XKR4: variants seen among roughly 807,000 people sequenced by gnomAD.
XKR4 encodes XK-related protein 4.
XKR4 carries 12 observed loss-of-function variants against 53.9 expected under a neutral mutation model. The ratio of observed to expected loss-of-function variants is 0.22; its 90% confidence interval spans 0.14 to 0.36. The LOEUF is 0.36. Among genes scored for constraint, XKR4 ranks in the 10% least tolerant of loss-of-function variants. XKR4 has a pLI of 1.00. For synonymous variants in XKR4, 354 were observed against 362.4 expected (o/e 0.98, Z 0.26); for missense variants, 799 against 859.5 (o/e 0.93, Z 0.88).
rs1266704744 is a variant in XKR4 at position 55,528,277 on chromosome 8, A to C, written c.*4050A>C. On this transcript the variant is annotated 3_prime_UTR_variant, in exon 3 of 3. Coordinates refer to ENST00000327381, the MANE Select transcript of XKR4 (RefSeq NM_052898.2). The stretch of plus-strand genomic sequence containing the variant: ...AGTTTTATCACTTCTTAAGGATCTC[A>C]TCTTTTAAACAGCTGAATAAAATAG... The C allele has an allele frequency of 6.6e-6, 1 of 152,166 alleles. No individual in the cohort carries two copies. Among genetic ancestry groups the C allele is most frequent in the Non-Finnish European group, 1.5e-5 (1 of 68,020 alleles). The allele number at this position is 152,166 out of a possible 1,614,324, so 9.4% of individuals were successfully genotyped here. A position where few individuals can be genotyped will look rare whatever the true frequency, so the allele number is the denominator to read the frequency against.
At chr8:55,134,367 A>AC (rs1208791404) in intron 1 of XKR4, among the ~76,000 whole-genome samples, 3 of 152,234 alleles carry the variant, frequency 2.0e-5, no homozygotes. Flanking sequence ...GCCTGTATAT[A>AC]ATTTGTGAGG....
intron 1 of XKR4, among the ~76,000 whole-genome samples, chr8:55,257,987 C>A (rs151160785): frequency 4.5e-4 from 69 of 152,342 alleles, no homozygotes; most frequent in African/African-American, 1.6e-3. Context: ...ATAGCTCAGA[C>A]CGTGGGCTCT....
At chr8:55,400,016 A>C (rs1804576288) in intron 2 of XKR4, among the ~76,000 whole-genome samples, 1 of 152,060 alleles carries the variant, frequency 6.6e-6, no homozygotes, top group Non-Finnish European at 1.5e-5. Context: ...TTCCTTAAAA[A>C]CTTGCACTCA....
At chr8:55,112,612 A>G (rs1485118339) in intron 1 of XKR4, among the ~76,000 whole-genome samples, 2 of 133,248 alleles carry the variant, frequency 1.5e-5, no homozygotes, top group African/African-American at 2.9e-5. Flanking sequence ...TCAATAATCA[A>G]AGCAAAGGTA....
chr8:55,292,937 G>A (rs1393800505), intron 1 of XKR4, among the ~76,000 whole-genome samples: 1 of 152,134 alleles, frequency 6.6e-6, no homozygotes, highest in Non-Finnish European at 1.5e-5. Context: ...TGTGTTTGGA[G>A]GTTTCCCTGT....
At chr8:55,253,215 C>T (rs916405676) in intron 1 of XKR4, among the ~76,000 whole-genome samples, 3 of 151,718 alleles carry the variant, frequency 2.0e-5, no homozygotes, top group African/African-American at 7.3e-5. Flanking sequence ...TAAATATTCT[C>T]TTCCTTCCTC....
intron 2 of XKR4, among the ~76,000 whole-genome samples, chr8:55,495,627 C>G (rs934485900): frequency 1.3e-5 from 2 of 152,224 alleles, no homozygotes; most frequent in African/African-American, 4.8e-5. Flanking sequence ...CCCCCCCAGG[C>G]CCTCCCCACA....
At chr8:55,326,555 C>T (rs1338839310) in intron 1 of XKR4, among the ~76,000 whole-genome samples, 3 of 149,086 alleles carry the variant, frequency 2.0e-5, no homozygotes, top group African/African-American at 5.0e-5. Flanking sequence ...ACTGCAACCT[C>T]CACCTCCTGG....
chr8:55,400,274 C>T (rs1265275323), intron 2 of XKR4, among the ~76,000 whole-genome samples: 3 of 152,132 alleles, frequency 2.0e-5, no homozygotes, highest in African/African-American at 7.2e-5. Flanking sequence ...TCACATGGCA[C>T]CCCACCATCA....
At chr8:55,498,066 G>T (rs1806382300) in intron 2 of XKR4, among the ~76,000 whole-genome samples, 2 of 152,136 alleles carry the variant, frequency 1.3e-5, no homozygotes, top group African/African-American at 4.8e-5. Context: ...TCCGCTTGGG[G>T]TTTAAGACTA....
chr8:55,390,993 A>C (rs1164814421), intron 2 of XKR4, among the ~76,000 whole-genome samples: 1 of 152,256 alleles, frequency 6.6e-6, no homozygotes, highest in African/African-American at 2.4e-5. Context: ...TAAGGAATCA[A>C]AAACTTTTAC....
intron 2 of XKR4, chr8:55,449,912 C>T (rs1805406663): frequency 3.5e-6 from 3 of 865,734 alleles, no homozygotes; most frequent in Admixed American, 1.7e-5. Flanking sequence ...GAGCCAGATG[C>T]GGTCGAGCCT....
At chr8:55,485,381 C>T (rs1806176759) in intron 2 of XKR4, among the ~76,000 whole-genome samples, 1 of 151,976 alleles carries the variant, frequency 6.6e-6, no homozygotes, top group Non-Finnish European at 1.5e-5. Context: ...CAAAAACAAA[C>T]AAAAAACTAG....
At chr8:55,169,329 G>A (rs545254459) in intron 1 of XKR4, among the ~76,000 whole-genome samples, 2 of 152,350 alleles carry the variant, frequency 1.3e-5, no homozygotes, top group South Asian at 4.1e-4. Context: ...GCTGCAGGGA[G>A]GAAGGTGGGA....
At chr8:55,255,312 G>A (rs1818422258) in intron 1 of XKR4, among the ~76,000 whole-genome samples, 1 of 152,098 alleles carries the variant, frequency 6.6e-6, no homozygotes, top group African/African-American at 2.4e-5. Context: ...AAAAAACATA[G>A]AAAGTGCCTA....
At chr8:55,238,987 T>G (rs1424357382) in intron 1 of XKR4, among the ~76,000 whole-genome samples, 1 of 152,234 alleles carries the variant, frequency 6.6e-6, no homozygotes, top group Non-Finnish European at 1.5e-5. Context: ...CACTAGTTGC[T>G]GACACATTTT....
chr8:55,170,833 G>A (rs114472920), intron 1 of XKR4, among the ~76,000 whole-genome samples: 57 of 152,108 alleles, frequency 3.7e-4, no homozygotes, highest in African/African-American at 1.2e-3. Context: ...TTCCGGACAC[G>A]GGCGGGAGCT....
intron 1 of XKR4, among the ~76,000 whole-genome samples, chr8:55,296,926 G>C (rs1351392125): frequency 2.6e-5 from 4 of 152,094 alleles, no homozygotes; most frequent in Admixed American, 2.6e-4. Flanking sequence ...TAATACATTT[G>C]GGTTCTTATT....
At chr8:55,513,519 A>G (rs1806661617) in intron 2 of XKR4, among the ~76,000 whole-genome samples, 1 of 152,186 alleles carries the variant, frequency 6.6e-6, no homozygotes, top group Admixed American at 6.5e-5. Flanking sequence ...TTCACTCTGC[A>G]AGTGCTTGCC....
Sources: allele counts gnomAD v4.1 joint callset (sites outside exome capture counted in the v4.1 genomes callset), GRCh38; gene constraint gnomAD v4.1.1; transcripts MANE v1.5; gene names NCBI Gene and HGNC (gene_info 2026-07-23, HGNC 2026-07-21).